Variants in TNC observed in about 807,000 individuals in gnomAD.
TNC encodes the protein tenascin C, also known as tenascin.
Under a neutral mutation model 202.4 loss-of-function variants are expected in TNC, and 109 were observed. The ratio of observed to expected loss-of-function variants is 0.54; its 90% CI spans 0.46 to 0.63. The LOEUF is 0.63. TNC is among the 30% of genes least tolerant of loss of function. The pLI is 0.00. For synonymous variants in TNC, 1,007 were observed against 1,089.7 expected (o/e 0.92, Z 1.50); for missense variants, 2,756 against 2,833.3 (o/e 0.97, Z 0.62).
intron 1 of TNC, among the ~76,000 whole-genome samples, chr9:115,116,467 ATCT>A (rs942360247): frequency 2.0e-5 from 3 of 152,170 alleles, no homozygotes; most frequent in Non-Finnish European, 2.9e-5. Context: ...GACTGAATAA[ATCT>A]TCTTCAGTCC....
rs57327715 is a variant in TNC, at chr9:115,087,527, G to GGTGTGTGTGTGT, written c.458-266_458-255dup. 2.6e-3 allele frequency among the ~76,000 whole-genome samples: 387 copies of GGTGTGTGTGTGT among 148,830 alleles called. 1 individual carries two copies. Among genetic ancestry groups the GGTGTGTGTGTGT allele is most frequent in the South Asian group, 0.01 (48 of 4,574 alleles). The stretch of plus-strand genomic sequence containing the variant: ...AAAACAGTGTGTGATTATGCATAGG[G>GGTGTGTGTGTGT]GTGTGTGTGTGTGTGTGTGTGTGTG... On this transcript the variant is annotated intron_variant, in intron 2 of 27. Transcript: ENST00000350763.
intron 25 of TNC, 86 bp downstream of exon 25, chr9:115,029,274 T>C: frequency 8.6e-7 from 1 of 1,168,134 alleles, no homozygotes; most frequent in Non-Finnish European, 1.3e-6. Flanking sequence ...CATCTCTTTC[T>C]CTCCCATAGG....
chr9:115,057,310 A>G lies in TNC; in HGVS notation c.4422T>C (p.Asp1474=), dbSNP rs774365086. 9.3e-6 allele frequency: 15 copies of G among 1,614,184 alleles called. No homozygotes were observed. The Admixed American group carries it at 2.0e-4, about 22-fold the overall frequency. The part of the protein sequence containing the change: ...IFETFTIEII[D]SNRLLETVEY... ...CCACAGTCTCCAGCAACCTATTGGA[A>G]TCAATAATTTCAATGGTAAAGGTCT... Residue 1474 remains aspartate (D), a synonymous_variant, in exon 15 of 28, where the codon GAT becomes GAC. Transcript: ENST00000350763.
chr9:115,099,596 C>T (rs999713319), intron 1 of TNC, among the ~76,000 whole-genome samples: 2 of 152,156 alleles, frequency 1.3e-5, no homozygotes, highest in Non-Finnish European at 2.9e-5. Flanking sequence ...CCTTAATTTT[C>T]ACATCTGTAA....
At chr9:115,074,055 C>A (rs1044038239) in intron 9 of TNC, among the ~76,000 whole-genome samples, 189 bp from the exon 10 acceptor site, 2 of 152,196 alleles carry the variant, frequency 1.3e-5, no homozygotes, top group Non-Finnish European at 2.9e-5. Context: ...ACATCACCCA[C>A]ATGACCCCAT....
At chr9:115,084,026 G>A (rs1834514458) in intron 4 of TNC, among the ~76,000 whole-genome samples, 183 bp downstream of exon 4, 1 of 152,206 alleles carries the variant, frequency 6.6e-6, no homozygotes, top group Non-Finnish European at 1.5e-5. Flanking sequence ...AGAGCAAGGA[G>A]AAAGATTTGA....
intron 6 of TNC, among the ~76,000 whole-genome samples, chr9:115,078,421 T>G (rs1334181049): frequency 6.6e-6 from 1 of 152,104 alleles, no homozygotes; most frequent in Non-Finnish European, 1.5e-5. Context: ...TTGTTTTTGT[T>G]TTTTTCAAAT....
chr9:115,043,689 A>T (rs1352991361), intron 17 of TNC, among the ~76,000 whole-genome samples: 1 of 152,132 alleles, frequency 6.6e-6, no homozygotes, highest in East Asian at 1.9e-4. Context: ...GCCATACTAG[A>T]CTTTAAGGTG....
intron 1 of TNC, among the ~76,000 whole-genome samples, chr9:115,111,942 AC>A: frequency 6.6e-6 from 1 of 152,178 alleles, no homozygotes; most frequent in East Asian, 1.9e-4. Context: ...ACAGACAATA[AC>A]CTCATGAGAG....
chr9:115,036,280 ACTGT>A (rs1210428443), intron 20 of TNC, 39 bp from the exon 21 acceptor site: 21 of 1,608,398 alleles, frequency 1.3e-5, no homozygotes, highest in Non-Finnish European at 1.8e-5. Flanking sequence ...GTCACCTCTC[ACTGT>A]CTGAGCCATG....
intron 10 of TNC, 111 bp from the exon 11 acceptor site, chr9:115,065,030 GT>G: frequency 7.8e-7 from 1 of 1,283,214 alleles, no homozygotes; most frequent in South Asian, 1.4e-5. Flanking sequence ...TGCAGTCCAA[GT>G]GCCAGGCTTT....
intron 1 of TNC, among the ~76,000 whole-genome samples, chr9:115,105,870 T>C (rs1326105202): frequency 6.6e-6 from 1 of 152,130 alleles, no homozygotes; most frequent in East Asian, 1.9e-4. Context: ...CCAGGGTGTT[T>C]AATAGGTTCA....
chr9:115,030,542 CAT>C, intron 23 of TNC, 137 bp from the exon 24 acceptor site: 1 of 1,037,154 alleles, frequency 9.6e-7, no homozygotes, highest in South Asian at 2.0e-5. Flanking sequence ...ATTAAAAACT[CAT>C]AGAAATGGGC....
intron 10 of TNC, among the ~76,000 whole-genome samples, chr9:115,067,618 T>A (rs1290688089): frequency 6.6e-6 from 1 of 152,186 alleles, no homozygotes; most frequent in East Asian, 1.9e-4. Context: ...AAGATGCACG[T>A]TGGAAAATGT....
At chr9:115,077,764 A>AT (rs953218028) in intron 7 of TNC, among the ~76,000 whole-genome samples, 179 bp downstream of exon 7, 7 of 152,124 alleles carry the variant, frequency 4.6e-5, no homozygotes, top group Admixed American at 1.3e-4. Flanking sequence ...GTTATTTGGA[A>AT]TTTTTTTTGA....
In TNC at chr9:115,076,779, C is replaced by T. The variant is rs73656722; in HGVS notation, c.2675-204G>A. Reference sequence around the variant, plus strand: ...CACCTTTCCCTATTATGGATGAGTGCGACACTTTAGTCATTTGTGTTTTTC... The same window carrying T: ...CACCTTTCCCTATTATGGATGAGTGTGACACTTTAGTCATTTGTGTTTTTC... On this transcript the variant is annotated intron_variant, in intron 7 of 27. Transcript: ENST00000350763. 0.021 allele frequency among the ~76,000 whole-genome samples: 3,233 copies of T among 152,214 alleles called. 113 individuals carry two copies. The highest frequency in any genetic ancestry group is 0.073 in the African/African-American group (3,010 of 41,516).
At chr9:115,024,865 C>A (rs182780537) in intron 26 of TNC, among the ~76,000 whole-genome samples, 1 of 152,174 alleles carries the variant, frequency 6.6e-6, no homozygotes, top group African/African-American at 2.4e-5. Context: ...AGTACCATTG[C>A]TTTGTGGGTC....
intron 10 of TNC, among the ~76,000 whole-genome samples, 163 bp from the exon 11 acceptor site, chr9:115,065,082 C>A (rs1369017195): frequency 6.6e-6 from 1 of 152,162 alleles, no homozygotes; most frequent in African/African-American, 2.4e-5. Context: ...TATTAAAACA[C>A]CAGCAGGACA....
At position 115,076,500 on chromosome 9, in the gene TNC, T is replaced by G; in HGVS notation, c.2750A>C (p.Lys917Thr). The G allele has an allele frequency of 2.5e-6, 4 of 1,614,236 alleles. No individual in the cohort carries two copies. The highest frequency in any genetic ancestry group is 3.4e-6 in the Non-Finnish European group (4 of 1,180,036). Residue 917 changes from lysine (K) to threonine (T), a missense_variant, in exon 8 of 28, where the codon AAG (lysine) becomes ACG (threonine). Physicochemically the swap from Lys to Thr is moderately conservative, Grantham distance 78. Transcript: ENST00000350763. ...AATTCTGTAACTGTCAATAGCTGCC[T>G]TGCCATTCCTCCATTCCAGGGTGAT... is the stretch of plus-strand genomic sequence containing the variant. ...NSITLEWRNG[K>T]AAIDSYRIKY...
Sources: gnomAD v4.1 joint callset for allele counts (sites outside exome capture counted in the v4.1 genomes callset) on GRCh38, gnomAD v4.1.1 for gene constraint, MANE v1.5 for transcripts, NCBI Gene and HGNC (gene_info 2026-07-23, HGNC 2026-07-21) for gene names.